The following ZFPM2 variants were observed in gnomAD, a reference collection of about 807,000 sequenced individuals.
The protein encoded by ZFPM2 is zinc finger protein, FOG family member 2.
ZFPM2 carries 20 observed loss-of-function variants against 98.6 expected under a neutral mutation model. That is an observed-to-expected ratio of 0.20 (90% CI 0.14 to 0.29). ZFPM2 has a LOEUF of 0.29. Among genes scored for constraint, ZFPM2 ranks in the 10% least tolerant of loss-of-function variants. ZFPM2 has a pLI of 1.00. For missense variants in ZFPM2, 1,310 were observed against 1,388.6 expected, an observed-to-expected ratio of 0.94 and a Z score of 0.90; for synonymous variants, 518 against 502.7, an observed-to-expected ratio of 1.03 and a Z score of -0.41.
At chr8:105,469,496 A>G (rs1465748408) in intron 3 of ZFPM2, among the ~76,000 whole-genome samples, 1 of 151,968 alleles carries the variant, frequency 6.6e-6, no homozygotes, top group Non-Finnish European at 1.5e-5. Flanking sequence ...TGGTGTACTC[A>G]TTCATGCATG....
At chr8:105,333,770 A>G (rs1486719774) in intron 1 of ZFPM2, among the ~76,000 whole-genome samples, 2 of 151,144 alleles carry the variant, frequency 1.3e-5, no homozygotes, top group Non-Finnish European at 3.0e-5. Context: ...GCTGATATGG[A>G]AATATCTCAA....
intron 2 of ZFPM2, among the ~76,000 whole-genome samples, chr8:105,432,378 TG>T (rs2130147473): frequency 6.6e-6 from 1 of 152,320 alleles, no homozygotes; most frequent in African/African-American, 2.4e-5. Context: ...CATTCAGATA[TG>T]GAACGATGCC....
In ZFPM2 at chr8:105,744,788, A is replaced by G. The variant is rs1461145221; in HGVS notation, c.533-43930A>G. 3.3e-5 allele frequency among the ~76,000 whole-genome samples: 5 copies of G among 152,116 alleles called. No homozygotes were observed. The East Asian group carries it at 9.7e-4, about 30-fold the overall frequency. On this transcript the variant is annotated intron_variant, in intron 5 of 7. Transcript: ENST00000407775. ...GCAAGTAGTGCATGGCACATTTGAAAAGCTTAAAGGAGGCCAGTTTGGCTA... is the reference window on the plus strand; with the variant it reads ...GCAAGTAGTGCATGGCACATTTGAAGAGCTTAAAGGAGGCCAGTTTGGCTA...
At chr8:105,441,511 AG>A (rs1812249993) in intron 2 of ZFPM2, among the ~76,000 whole-genome samples, 1 of 150,722 alleles carries the variant, frequency 6.6e-6, no homozygotes, top group South Asian at 2.1e-4. Flanking sequence ...ATCAAAGCCC[AG>A]GGGCGCCCCG....
chr8:105,566,917 T>TA (rs929656019), intron 4 of ZFPM2, among the ~76,000 whole-genome samples: 19 of 152,210 alleles, frequency 1.2e-4, no homozygotes, highest in Admixed American at 3.9e-4. Flanking sequence ...GAATTTTTTT[T>TA]AAAAAAATGA....
Position 105,567,795 on chromosome 8 carries a change from A to T in ZFPM2, c.420+6314A>T, listed in dbSNP as rs188639103. On this transcript the variant is annotated intron_variant, in intron 4 of 7. Transcript: ENST00000407775. ...AACTGCTCTTTAAAATAAAAATCTA[A>T]TCGAATTGAATTTGCTTATCAGGAA... Among the ~76,000 whole-genome samples, 12 of 152,194 alleles carry T rather than the reference A, an allele frequency of 7.9e-5. No homozygotes were observed. In the East Asian group the frequency reaches 2.3e-3, roughly 29 times the overall value.
intron 5 of ZFPM2, among the ~76,000 whole-genome samples, chr8:105,770,474 T>G (rs112579462): frequency 6.6e-5 from 10 of 152,230 alleles, no homozygotes; most frequent in African/African-American, 2.2e-4. Flanking sequence ...GTTTCTAAAT[T>G]TTGTTAATAT....
chr8:105,704,155 A>G (rs1811205574), intron 5 of ZFPM2, among the ~76,000 whole-genome samples: 1 of 152,112 alleles, frequency 6.6e-6, no homozygotes, highest in Admixed American at 6.6e-5. Flanking sequence ...TCAGAGGACT[A>G]AGTTCTGAAC....
intron 5 of ZFPM2, among the ~76,000 whole-genome samples, chr8:105,694,687 T>A (rs1178524866): frequency 6.6e-6 from 1 of 152,196 alleles, no homozygotes; most frequent in Non-Finnish European, 1.5e-5. Flanking sequence ...TAGGTCCTCC[T>A]TTCCTTTTAA....
chr8:105,462,453 A>T (rs780534698), intron 3 of ZFPM2, among the ~76,000 whole-genome samples: 2 of 152,158 alleles, frequency 1.3e-5, no homozygotes, highest in Non-Finnish European at 2.9e-5. Context: ...TAAGGTTACA[A>T]GTCAAATTCC....
At chr8:105,771,202 A>G (rs1015114239) in intron 5 of ZFPM2, among the ~76,000 whole-genome samples, 2 of 152,030 alleles carry the variant, frequency 1.3e-5, no homozygotes, top group Non-Finnish European at 2.9e-5. Context: ...GTTATGCTGT[A>G]TTTGAAGAGA....
intron 5 of ZFPM2, among the ~76,000 whole-genome samples, chr8:105,646,774 A>C (rs1483509265): frequency 3.3e-5 from 5 of 151,970 alleles, no homozygotes; most frequent in Non-Finnish European, 7.4e-5. Context: ...ATTCTGAAGG[A>C]GAGTGGGACC....
chr8:105,629,235 C>G (rs551804211), intron 4 of ZFPM2, among the ~76,000 whole-genome samples: 1 of 152,288 alleles, frequency 6.6e-6, no homozygotes, highest in East Asian at 1.9e-4. Flanking sequence ...GTGCTCCCTC[C>G]CGCGAGGAGA....
chr8:105,450,003 G>A (rs1006853512), intron 3 of ZFPM2, among the ~76,000 whole-genome samples: 2 of 151,934 alleles, frequency 1.3e-5, no homozygotes, highest in Admixed American at 6.6e-5. Context: ...TATTCCACCC[G>A]ACTTAAAACA....
chr8:105,729,274 A>G (rs1304677653), intron 5 of ZFPM2, among the ~76,000 whole-genome samples: 1 of 151,702 alleles, frequency 6.6e-6, no homozygotes, highest in Non-Finnish European at 1.5e-5. Flanking sequence ...ATTTTCTTTG[A>G]GCCACATATA....
chr8:105,409,315 C>T (rs1245006711), intron 1 of ZFPM2, among the ~76,000 whole-genome samples: 1 of 151,886 alleles, frequency 6.6e-6, no homozygotes, highest in Admixed American at 6.6e-5. Flanking sequence ...AAACAACATC[C>T]TGGTCAATTG....
chr8:105,389,406 A>C (rs1811066288), intron 1 of ZFPM2, among the ~76,000 whole-genome samples: 1 of 152,184 alleles, frequency 6.6e-6, no homozygotes, highest in Non-Finnish European at 1.5e-5. Context: ...AGGGGGAAAT[A>C]GTGTCACAAA....
Position 105,551,560 on chromosome 8 carries a change from A to G in ZFPM2, c.302-9803A>G, listed in dbSNP as rs149431543. 2.4e-3 allele frequency among the ~76,000 whole-genome samples: 371 copies of G among 152,298 alleles called. 3 individuals carry two copies. The highest frequency in any genetic ancestry group is 8.3e-3 in the African/African-American group (347 of 41,570). Reference sequence around the variant, plus strand: ...CTATTAGGGAATGAGAGTACCTCACAGTGTAGTATGAGCTCCCTGGGTTAG... The same window carrying G: ...CTATTAGGGAATGAGAGTACCTCACGGTGTAGTATGAGCTCCCTGGGTTAG... On this transcript the variant is annotated intron_variant, in intron 3 of 7. Transcript: ENST00000407775.
chr8:105,610,943 C>G (rs1816297102), intron 4 of ZFPM2, among the ~76,000 whole-genome samples: 1 of 152,134 alleles, frequency 6.6e-6, no homozygotes, highest in South Asian at 2.1e-4. Context: ...TACCAGAGTT[C>G]AGCAGTTTCA....
Sources: gnomAD v4.1 joint callset for allele counts (sites outside exome capture counted in the v4.1 genomes callset) on GRCh38, gnomAD v4.1.1 for gene constraint, MANE v1.5 for transcripts, NCBI Gene and HGNC (gene_info 2026-07-23, HGNC 2026-07-21) for gene names.